GDPD5: variants seen among roughly 807,000 people sequenced by gnomAD.
GDPD5 encodes the protein glycerophosphodiester phosphodiesterase domain containing 5.
Under a neutral mutation model 75.1 loss-of-function variants are expected in GDPD5, and 48 were observed. The observed-to-expected ratio is 0.64, with a 90% CI of 0.51 to 0.81. GDPD5 has a LOEUF of 0.81. GDPD5 is among the 40% of genes least tolerant of loss of function. The pLI is 0.00. For synonymous variants in GDPD5, 336 were observed against 339.0 expected (o/e 0.99, Z 0.10); for missense variants, 706 against 822.6 (o/e 0.86, Z 1.73).
chr11:75,515,500 G>T (rs976415759), intron 1 of GDPD5, among the ~76,000 whole-genome samples: 14 of 151,718 alleles, frequency 9.2e-5, no homozygotes, highest in Admixed American at 2.0e-4. Flanking sequence ...CCAGCCCCAC[G>T]CTCCTCTTAC....
At chr11:75,524,464 C>T (rs1007600834) in intron 1 of GDPD5, among the ~76,000 whole-genome samples, 1 of 152,184 alleles carries the variant, frequency 6.6e-6, no homozygotes, top group Non-Finnish European at 1.5e-5. Context: ...GCTTTAGGAT[C>T]GGACAACTGG....
intron 1 of GDPD5, among the ~76,000 whole-genome samples, chr11:75,514,375 C>T (rs947053090): frequency 6.6e-6 from 1 of 152,264 alleles, no homozygotes; most frequent in Non-Finnish European, 1.5e-5. Flanking sequence ...GCACAGACAT[C>T]CTTGCAGGCC....
intron 2 of GDPD5, among the ~76,000 whole-genome samples, chr11:75,478,218 C>T (rs1214713265): frequency 1.3e-5 from 2 of 152,204 alleles, no homozygotes; most frequent in African/African-American, 2.4e-5. Flanking sequence ...GGCACAATCT[C>T]GGCTCACTGC....
At chr11:75,509,884 T>C (rs182865575) in intron 1 of GDPD5, among the ~76,000 whole-genome samples, 2,764 of 152,298 alleles carry the variant, frequency 0.018, 40 homozygotes, top group Non-Finnish European at 0.027. Flanking sequence ...TTCACCATGT[T>C]GGCCAGGCTG....
intron 6 of GDPD5, among the ~76,000 whole-genome samples, chr11:75,455,893 G>A (rs1949273634): frequency 6.6e-6 from 1 of 152,238 alleles, no homozygotes; most frequent in Non-Finnish European, 1.5e-5. Flanking sequence ...GCCCAGCCCT[G>A]AGGGGGGGCA....
In GDPD5 at chr11:75,494,756, A is replaced by G. The variant is rs147077026; in HGVS notation, c.-144-4436T>C. On this transcript the variant is annotated intron_variant, in intron 1 of 16. Coordinates refer to ENST00000336898, the MANE Select transcript of GDPD5 (RefSeq NM_030792.8). ...CACCTGAGGTTGGGAGTTCGAGACC[A>G]GCCTGGCCAACATGGTGAAATCCCG... Among the ~76,000 whole-genome samples the G allele has an allele frequency of 9.3e-3, 1,411 of 151,600 alleles. 22 individuals are homozygous for G. Among genetic ancestry groups the G allele is most frequent in the African/African-American group, 0.032 (1,312 of 41,382 alleles).
chr11:75,447,641 G>A (rs763615695), intron 9 of GDPD5, among the ~76,000 whole-genome samples: 13 of 152,074 alleles, frequency 8.5e-5, no homozygotes, highest in Non-Finnish European at 1.6e-4. Flanking sequence ...AACCATCCTC[G>A]CTGGGGCCAC....
At chr11:75,514,855 C>T (rs1329316265) in intron 1 of GDPD5, among the ~76,000 whole-genome samples, 3 of 152,242 alleles carry the variant, frequency 2.0e-5, no homozygotes, top group Admixed American at 1.3e-4. Context: ...GCAACTGTAG[C>T]ATCTCCTCTG....
At chr11:75,459,254 T>G (rs1353349761) in intron 4 of GDPD5, among the ~76,000 whole-genome samples, 1 of 152,232 alleles carries the variant, frequency 6.6e-6, no homozygotes, top group Non-Finnish European at 1.5e-5. Flanking sequence ...AATGAAATTT[T>G]TATACATATC....
chr11:75,517,111 C>T (rs959648288), intron 1 of GDPD5, among the ~76,000 whole-genome samples: 2 of 152,052 alleles, frequency 1.3e-5, no homozygotes, highest in African/African-American at 4.8e-5. Flanking sequence ...ATGGAGGTTG[C>T]TAGGTGGAAG....
At chr11:75,447,071 T>C (rs1246988927) in intron 9 of GDPD5, among the ~76,000 whole-genome samples, 1 of 152,062 alleles carries the variant, frequency 6.6e-6, no homozygotes, top group Non-Finnish European at 1.5e-5. Context: ...TTAGTAGAGA[T>C]GGGGTTTCTC....
Position 75,434,963 on chromosome 11 carries a change from T to C in GDPD5, c.*544A>G, listed in dbSNP as rs1020673792. On this transcript the variant is annotated 3_prime_UTR_variant, in exon 17 of 17. Coordinates refer to ENST00000336898, the MANE Select transcript of GDPD5 (RefSeq NM_030792.8). ...GGGGTTGGCGGTGGCATGAGGTGGG[T>C]TGGGGAGGAGGACGTGTCTCCACAT... The C allele has an allele frequency of 2.6e-5, 4 of 152,776 alleles. No homozygotes were observed. The highest frequency in any genetic ancestry group is 4.4e-5 in the Non-Finnish European group (3 of 68,282). The allele number at this position is 152,776 out of a possible 1,614,324, so 9.5% of individuals were successfully genotyped here.
chr11:75,497,322 G>A (rs1323012567), intron 1 of GDPD5, among the ~76,000 whole-genome samples: 1 of 152,092 alleles, frequency 6.6e-6, no homozygotes, highest in Non-Finnish European at 1.5e-5. Flanking sequence ...GACGCGTAAG[G>A]GGTGGAGGCC....
chr11:75,501,372 AG>A (rs547529485), intron 1 of GDPD5, among the ~76,000 whole-genome samples: 158 of 152,352 alleles, frequency 1.0e-3, no homozygotes, highest in African/African-American at 3.7e-3. Context: ...ACATCCAAAA[AG>A]ACATAGGGCA....
chr11:75,462,722 A>C, intron 4 of GDPD5, 64 bp downstream of exon 4: 1 of 1,229,352 alleles, frequency 8.1e-7, no homozygotes, highest in Non-Finnish European at 1.2e-6. Flanking sequence ...TCCAGCCCCC[A>C]GGTCCCAGCT....
At chr11:75,468,065 A>G (rs1949563583) in intron 3 of GDPD5, among the ~76,000 whole-genome samples, 1 of 152,140 alleles carries the variant, frequency 6.6e-6, no homozygotes, top group Non-Finnish European at 1.5e-5. Context: ...AAGCATGGGC[A>G]TGGCCGCTGG....
intron 6 of GDPD5, 101 bp downstream of exon 6, chr11:75,456,656 C>CG: frequency 8.8e-7 from 1 of 1,131,374 alleles, no homozygotes; most frequent in Admixed American, 1.8e-5. Context: ...ACAATTCTAA[C>CG]GGTGATCCAG....
At chr11:75,510,552 C>T (rs1268233369) in intron 1 of GDPD5, among the ~76,000 whole-genome samples, 4 of 152,202 alleles carry the variant, frequency 2.6e-5, no homozygotes, top group African/African-American at 9.7e-5. Context: ...TCCACAGGCT[C>T]CTTACAGGGT....
intron 5 of GDPD5, 110 bp from the exon 6 acceptor site, chr11:75,456,926 A>T (rs1353975345): frequency 9.2e-7 from 1 of 1,082,066 alleles, no homozygotes. Flanking sequence ...CCCTGGGCAG[A>T]GGCAGCGAAC....
Sources: gnomAD v4.1 joint callset for allele counts (sites outside exome capture counted in the v4.1 genomes callset) on GRCh38, gnomAD v4.1.1 for gene constraint, MANE v1.5 for transcripts, NCBI Gene and HGNC (gene_info 2026-07-23, HGNC 2026-07-21) for gene names.